MBD6: variants seen among roughly 807,000 people sequenced by gnomAD.
MBD6 encodes the protein methyl-CpG-binding domain protein 6.
Under a neutral mutation model 66.8 loss-of-function variants are expected in MBD6, and 22 were observed. That is an observed-to-expected ratio of 0.33 (90% CI 0.24 to 0.47). The LOEUF (loss-of-function observed/expected upper bound fraction) is 0.47, where lower values mean the gene tolerates loss of function less well. Among genes scored for constraint, MBD6 ranks in the 20% least tolerant of loss-of-function variants. The probability of loss-of-function intolerance (pLI) is 1.00; values close to 1 mark genes in which losing one functional copy is unlikely to be tolerated. For missense variants in MBD6, 1,322 were observed against 1,286.9 expected, an observed-to-expected ratio of 1.03 and a Z score of -0.42; for synonymous variants, 540 against 534.6, an observed-to-expected ratio of 1.01 and a Z score of -0.14.
At chr12:57,526,474 AG>A (rs1404614821) in intron 6 of MBD6, 86 bp downstream of exon 6, 1 of 1,513,892 alleles carries the variant, frequency 6.6e-7, no homozygotes, top group Non-Finnish European at 8.8e-7. Context: ...GAGCTCTTTG[AG>A]GGTTTTCTGG....
At chr12:57,523,976 T>A in intron 1 of MBD6, 53 bp from the exon 2 acceptor site, 1 of 199,426 alleles carries the variant, frequency 5.0e-6, no homozygotes, top group Non-Finnish European at 1.0e-5. Flanking sequence ...GCTGTGCTGC[T>A]CTTTAGAGTT....
In MBD6 at chr12:57,528,192, C is replaced by A; in HGVS notation, c.2452C>A (p.Pro818Thr). 6.2e-7 allele frequency: 1 copy of A among 1,611,582 alleles called. No homozygotes were observed. The highest frequency in any genetic ancestry group is 1.1e-5 in the South Asian group (1 of 90,954). ...AGCCCCCTGTCTACCCCCCGAGAGC[C>A]CTGCCTCAGCCCTCGAACCAGAGCC... ...PEAPCLPPES[P>T]ASALEPEPAR... The change falls in exon 10 of 13, where the codon CCT becomes ACT. Residue 818 changes from proline to threonine, a missense_variant. By Grantham distance (38) the Pro-to-Thr change is conservative. Coordinates refer to ENST00000355673, the MANE Select transcript of MBD6 (RefSeq NM_052897.4).
rs202028711 is a variant in MBD6 at position 57,527,880 on chromosome 12, G to A, written c.2269G>A (p.Ala757Thr). 6 of 1,613,760 alleles carry A rather than the reference G, an allele frequency of 3.7e-6. No homozygotes were observed. The East Asian group carries it at 1.3e-4, about 36-fold the overall frequency. ...DLSSLTSSPG[A>T]LPSLLQPPGP... ...GTCTTCACTGACCAGCAGCCCTGGA[G>A]CCCTCCCCAGCCTGTTGCAGCCTCC... Residue 757 changes from alanine (A) to threonine (T), a missense_variant, in exon 9 of 13, where the codon GCC becomes ACC. Transcript: ENST00000355673.
intron 10 of MBD6, 40 bp downstream of exon 10, chr12:57,528,600 G>A (rs535873683): frequency 1.9e-6 from 3 of 1,612,894 alleles, no homozygotes; most frequent in Non-Finnish European, 1.7e-6. Context: ...CAGGGGCTCT[G>A]AGGAAAGGTT....
In MBD6 at chr12:57,524,954, T is replaced by G. The variant is rs1181022450; in HGVS notation, c.218T>G (p.Val73Gly). The G allele has an allele frequency of 6.2e-7, 1 of 1,600,400 alleles. No homozygotes were observed. The highest frequency in any genetic ancestry group is 1.3e-5 in the African/African-American group (1 of 74,618). ...CTGTCCTTGCTTTCCACCTTACAGGTTTTCAACTTTGACCCTTTGGCCCCG... is the reference window on the plus strand; with the variant it reads ...CTGTCCTTGCTTTCCACCTTACAGGGTTTCAACTTTGACCCTTTGGCCCCG... ...GLECPLNVPKVFNFDPLAPVT... is the reference protein window; with the variant it reads ...GLECPLNVPKGFNFDPLAPVT... The change falls in exon 5 of 13, where the codon GTT becomes GGT. Residue 73 changes from valine (V) to glycine (G), a missense_variant and splice_region_variant. By Grantham distance (109) the Val-to-Gly change is moderately radical. Coordinates refer to ENST00000355673, the MANE Select transcript of MBD6 (RefSeq NM_052897.4).
chr12:57,527,728 G>T, intron 8 of MBD6, 68 bp downstream of exon 8: 1 of 1,556,468 alleles, frequency 6.4e-7, no homozygotes, highest in South Asian at 1.2e-5. Context: ...TGGGAGTAGT[G>T]GCTGAATAAA....
In MBD6 at chr12:57,529,219, G is replaced by A. The variant is rs768624009; in HGVS notation, c.2997G>A (p.Arg999=). The change falls in exon 13 of 13, where the codon AGG becomes AGA. Residue 999 remains arginine (R), a synonymous_variant. Transcript: ENST00000355673. Reference sequence around the variant, plus strand: ...GCCGTCCTGCCAAAAACAAGAGGAGGAAACTGGCCCCATAGCAGCCATACC... The same window carrying A: ...GCCGTCCTGCCAAAAACAAGAGGAGAAAACTGGCCCCATAGCAGCCATACC... ...RPGRPAKNKR[R]KLAP is the part of the protein sequence containing the mutation. 1.2e-5 allele frequency: 20 copies of A among 1,613,938 alleles called. No homozygotes were observed. Among genetic ancestry groups the A allele is most frequent in the Non-Finnish European group, 1.7e-5 (20 of 1,180,004 alleles).
At chr12:57,530,662 C>G, downstream of MBD6, 14 of 1,595,876 alleles carry the variant, frequency 8.8e-6, no homozygotes, top group African/African-American at 1.3e-5. Context: ...GTAGGGATAA[C>G]CCCTGTTCTC....
Position 57,524,356 on chromosome 12 carries a change from C to T in MBD6, c.53C>T (p.Ala18Val). The change falls in exon 3 of 13, where the codon GCC becomes GTC. Residue 18 changes from alanine (A) to valine (V), a missense_variant. By Grantham distance (64) the Ala-to-Val change is moderately conservative. Transcript: ENST00000355673. Reference protein sequence around the residue: ...SGADRAGGPVATSVPIGWQRC... With the variant: ...SGADRAGGPVVTSVPIGWQRC... ...GCAGACAGAGCTGGGGGCCCTGTGG[C>T]CACATCTGTCCCCATCGGCTGGCAG... is the stretch of plus-strand genomic sequence containing the variant. The T allele has an allele frequency of 6.3e-7, 1 of 1,597,284 alleles. No individual in the cohort carries two copies. Among genetic ancestry groups the T allele is most frequent in the Non-Finnish European group, 8.5e-7 (1 of 1,171,738 alleles).
chr12:57,528,185 CG>C lies in MBD6; in HGVS notation c.2446del (p.Glu816ArgfsTer19). 1 of 1,611,056 alleles carries C rather than the reference CG, an allele frequency of 6.2e-7. No individual in the cohort carries two copies. Among genetic ancestry groups the C allele is most frequent in the Non-Finnish European group, 8.5e-7 (1 of 1,179,016 alleles). ...AGCCAGAAGCCCCCTGTCTACCCCC[CG>C]AGAGCCCTGCCTCAGCCCTCGAACC... ...EQPEAPCLPP[E>X]SPASALEPEP... On this transcript the variant is annotated frameshift_variant, in exon 10 of 13. Transcript: ENST00000355673. LOFTEE classifies it high-confidence loss of function.
intron 1 of MBD6, chr12:57,523,347 G>A (rs1375931876): frequency 6.6e-6 from 1 of 152,202 alleles, no homozygotes; most frequent in Non-Finnish European, 1.5e-5. Context: ...TGGGAGCAAT[G>A]GTGAGGCTGG....
chr12:57,526,711 C>A lies in MBD6; in HGVS notation c.1566C>A (p.Ser522Arg), dbSNP rs766116341. ...GTGGAGAGGCTTTCCCTTTCCCCAG[C>A]CCTGAGCAGGGCCTGGCACTGAGTG... ...LAGGEAFPFP[S>R]PEQGLALSGA... The change falls in exon 7 of 13, where the codon AGC (serine) becomes AGA (arginine). Residue 522 changes from serine (S) to arginine (R), a missense_variant. Ser to Arg is a moderately radical substitution (Grantham distance 110, BLOSUM62 -1). Coordinates refer to ENST00000355673, the MANE Select transcript of MBD6 (RefSeq NM_052897.4). 9 of 1,550,056 alleles carry A rather than the reference C, an allele frequency of 5.8e-6. No homozygotes were observed. Among genetic ancestry groups the A allele is most frequent in the Non-Finnish European group, 7.8e-6 (9 of 1,146,846 alleles).
chr12:57,530,471 C>G, downstream of MBD6: 1 of 498,462 alleles, frequency 2.0e-6, no homozygotes, highest in East Asian at 3.1e-5. Flanking sequence ...ATCCCCCAGG[C>G]CTGAGGGGAG....
upstream of MBD6, chr12:57,520,788 G>A (rs1331255926): frequency 4.3e-6 from 1 of 234,754 alleles, no homozygotes. Flanking sequence ...TAGCGGGGGG[G>A]GAGGGGAGGA....
At position 57,525,077 on chromosome 12, in the gene MBD6, A is replaced by AC; in HGVS notation, c.343dup (p.Arg115ProfsTer44). On this transcript the variant is annotated frameshift_variant, in exon 5 of 13. Transcript: ENST00000355673. LOFTEE classifies it high-confidence loss of function. ...AAAGCTGTTGCTATGGCAACTCTGTACCGCAGCATGGAGACCACCTGCTCA... is the reference window on the plus strand; with the variant it reads ...AAAGCTGTTGCTATGGCAACTCTGTACCCGCAGCATGGAGACCACCTGCTCA... 1 of 1,612,374 alleles carries AC rather than the reference A, an allele frequency of 6.2e-7. No individual in the cohort carries two copies. The highest frequency in any genetic ancestry group is 8.5e-7 in the Non-Finnish European group (1 of 1,179,604).
chr12:57,524,246 C>A, intron 2 of MBD6, 34 bp from the exon 3 acceptor site: 1 of 1,328,034 alleles, frequency 7.5e-7, no homozygotes, highest in Non-Finnish European at 1.0e-6. Context: ...CAGTTTAATC[C>A]TCCTAGTGCC....
At chr12:57,528,847 T>C in intron 11 of MBD6, 99 bp from the exon 12 acceptor site, 1 of 1,602,172 alleles carries the variant, frequency 6.2e-7, no homozygotes, top group Non-Finnish European at 8.5e-7. Context: ...AAGGATATTA[T>C]GCCTTTACTA....
At position 57,524,882 on chromosome 12, in the gene MBD6, CACTG is replaced by C. The variant is rs1878749380; in HGVS notation, c.217-65_217-62del. ...ATAAGCTAAAAGTCTTAATGCAAAT[CACTG>C]ACTGAGGTAGCCCTTCTCACAGGTT... is the stretch of plus-strand genomic sequence containing the variant. On this transcript the variant is annotated intron_variant, in intron 4 of 12. Coordinates refer to ENST00000355673, the MANE Select transcript of MBD6 (RefSeq NM_052897.4). 8 of 1,610,716 alleles carry C rather than the reference CACTG, an allele frequency of 5.0e-6. No homozygotes were observed. The East Asian group carries it at 1.3e-4, about 27-fold the overall frequency.
Position 57,527,982 on chromosome 12 carries a change from T to C in MBD6, c.2371T>C (p.Ser791Pro). ...AGCTCCTCCACCCCTCTCAGAGGCT[T>C]CTAGTCCCCTAGCCTGCCTGCTACA... ...GGAPPPLSEA[S>P]SPLACLLQSL... The change falls in exon 9 of 13, where the codon TCT (serine) becomes CCT (proline). Residue 791 changes from serine (S) to proline (P), a missense_variant. Coordinates refer to ENST00000355673, the MANE Select transcript of MBD6 (RefSeq NM_052897.4). The C allele has an allele frequency of 6.4e-7, 1 of 1,564,634 alleles. No individual in the cohort carries two copies. The highest frequency in any genetic ancestry group is 8.6e-7 in the Non-Finnish European group (1 of 1,159,922).
Sources: gnomAD v4.1 joint callset for allele counts on GRCh38, gnomAD v4.1.1 for gene constraint, MANE v1.5 for transcripts, NCBI Gene and HGNC (gene_info 2026-07-23, HGNC 2026-07-21) for gene names.